The following ZNF726 variants were observed in gnomAD, a reference collection of about 807,000 sequenced individuals.
ZNF726 encodes zinc finger protein 92 pseudogene 3.
In ZNF726, 15 loss-of-function variants were observed where a neutral mutation model predicts 11.6. The ratio of observed to expected loss-of-function variants is 1.29; its 90% confidence interval spans 0.86 to 1.99. The LOEUF (loss-of-function observed/expected upper bound fraction) is 1.99. Among genes scored for constraint, ZNF726 ranks in the 30% most tolerant of loss-of-function variants. The pLI is 0.00. For missense variants in ZNF726, 890 were observed against 725.6 expected, an observed-to-expected ratio of 1.23 and a Z score of -2.60; for synonymous variants, 295 against 243.6, an observed-to-expected ratio of 1.21 and a Z score of -1.96.
chr19:23,921,549 CCTCT>C (rs1374767014), intron 3 of ZNF726: 1 of 151,920 alleles, frequency 6.6e-6, no homozygotes, highest in Non-Finnish European at 1.5e-5. Flanking sequence ...TTATTTGTGT[CCTCT>C]CTAATTTTTT....
Position 23,919,447 on chromosome 19 carries a change from G to T in ZNF726, c.78G>T (p.Lys26Asn), listed in dbSNP as rs768460087. ...GGCAGTGCCTGGACACTGCACAGAA[G>T]AATTTATATAGGAATGTGATGTTAG... ...EEWQCLDTAQ[K>N]NLYRNVMLEN... is the part of the protein sequence containing the mutation. Residue 26 changes from lysine to asparagine, a missense_variant, in exon 2 of 4, where the codon AAG becomes AAT. Transcript: ENST00000594466. 108 of 1,607,674 alleles carry T rather than the reference G, an allele frequency of 6.7e-5. No homozygotes were observed. The highest frequency in any genetic ancestry group is 8.7e-5 in the Non-Finnish European group (102 of 1,176,460).
In ZNF726 at chr19:23,932,393, G is replaced by A. The variant is rs1198045649; in HGVS notation, c.277G>A (p.Asp93Asn). The A allele has an allele frequency of 6.6e-7, 1 of 1,521,098 alleles. No homozygotes were observed. The allele number at this position is 1,521,098 out of a possible 1,614,324, so 94.2% of individuals were successfully genotyped here. A position where few individuals can be genotyped will look rare whatever the true frequency, so the allele number is the denominator to read the frequency against. Residue 93 changes from aspartate to asparagine, a missense_variant, in exon 4 of 4, where the codon GAT becomes AAT. Asp to Asn is a conservative substitution (Grantham distance 23). Transcript: ENST00000594466. ...CATTTGGCCAGAGCAGGGCGTGGAA[G>A]ATTCTTTTCAAAAAGTAATACTAAG... is the stretch of plus-strand genomic sequence containing the variant. ...QDIWPEQGVE[D>N]SFQKVILRRF...
chr19:23,943,136 T>A (rs571837004), intron 3 of ZNF726, among the ~76,000 whole-genome samples: 96 of 152,262 alleles, frequency 6.3e-4, no homozygotes, highest in African/African-American at 2.2e-3. Context: ...TTCTCCTGCC[T>A]CAGCCTTCTG....
rs1967805146 is a variant in ZNF726 at position 23,920,080 on chromosome 19, C to A, written c.224C>A (p.Pro75Gln). 2 of 1,576,900 alleles carry A rather than the reference C, an allele frequency of 1.3e-6. No homozygotes were observed. The highest frequency in any genetic ancestry group is 1.7e-6 in the Non-Finnish European group (2 of 1,157,322). ...MKRDEMVDEP[P>Q]GICPHFAQDI... ...CGAGATGAGATGGTGGATGAACCCC[C>A]AGGTAGGTGAGAGTGAATACAACAG... The change falls in exon 3 of 4, where the codon CCA (proline) becomes CAA (glutamine). Residue 75 changes from proline (P) to glutamine (Q), a missense_variant and splice_region_variant. Pro to Gln is a moderately conservative substitution (Grantham distance 76). Coordinates refer to ENST00000594466, the MANE Select transcript of ZNF726 (RefSeq NM_001244038.2).
chr19:23,921,129 A>G (rs967482786), intron 3 of ZNF726: 3 of 151,992 alleles, frequency 2.0e-5, no homozygotes, highest in Non-Finnish European at 1.5e-5. Flanking sequence ...AACCCCATCT[A>G]TACTAAAAAT....
At chr19:23,929,740 A>G (rs1422974384) in intron 3 of ZNF726, among the ~76,000 whole-genome samples, 36 of 152,178 alleles carry the variant, frequency 2.4e-4, no homozygotes, top group Non-Finnish European at 1.3e-4. Context: ...TATATTTTTC[A>G]GTTTATTAAT....
At chr19:23,925,276 ATAAT>A (rs1967957220) in intron 3 of ZNF726, among the ~76,000 whole-genome samples, 1 of 152,210 alleles carries the variant, frequency 6.6e-6, no homozygotes, top group Non-Finnish European at 1.5e-5. Flanking sequence ...ACTTTATTTA[ATAAT>A]TTATATTATT....
chr19:23,925,098 C>A (rs919875491), intron 3 of ZNF726, among the ~76,000 whole-genome samples: 2 of 152,154 alleles, frequency 1.3e-5, no homozygotes, highest in East Asian at 3.9e-4. Flanking sequence ...TAAGTGAAAT[C>A]GTAACATCCA....
downstream of ZNF726, among the ~76,000 whole-genome samples, chr19:23,934,769 G>T (rs1429160129): frequency 6.6e-6 from 1 of 152,170 alleles, no homozygotes; most frequent in Non-Finnish European, 1.5e-5. Flanking sequence ...GTGGGGAAAA[G>T]GCTCCCTCTC....
intron 1 of ZNF726, 42 bp from the exon 2 acceptor site, chr19:23,919,331 A>G (rs1446526784): frequency 3.8e-6 from 6 of 1,590,036 alleles, no homozygotes; most frequent in African/African-American, 2.7e-5. Flanking sequence ...AATTCTGCCC[A>G]TAGCCACTTT....
chr19:23,914,939 T>G lies in ZNF726; in HGVS notation c.-56T>G. The G allele has an allele frequency of 1.2e-6, 2 of 1,612,496 alleles. No individual in the cohort carries two copies. The highest frequency in any genetic ancestry group is 2.2e-5 in the South Asian group (2 of 91,060). On this transcript the variant is annotated 5_prime_UTR_variant, in exon 1 of 4. Coordinates refer to ENST00000594466, the MANE Select transcript of ZNF726 (RefSeq NM_001244038.2). ...CTCGTCCTCACTACTCTGTGTCTTC[T>G]GCTTTTAGGGGCGCAGCCTCTGTGG...
rs770183581 is a variant in ZNF726 at position 23,933,835 on chromosome 19, G to A, written c.1719G>A (p.Ala573=). ...KPYKCEECGK[A]FNRSSNLSTH... ...ACAAGTGTGAAGAATGTGGAAAAGC[G>A]TTTAATCGATCCTCAAATCTTAGTA... is the stretch of plus-strand genomic sequence containing the variant. The change falls in exon 4 of 4, where the codon GCG becomes GCA. Residue 573 remains alanine, a synonymous_variant. Transcript: ENST00000594466. The A allele has an allele frequency of 6.7e-5, 107 of 1,594,272 alleles. No homozygotes were observed. The Middle Eastern group carries it at 8.3e-4, about 12-fold the overall frequency.
intron 3 of ZNF726, among the ~76,000 whole-genome samples, chr19:23,926,452 G>T (rs1967989574): frequency 6.6e-6 from 1 of 151,812 alleles, no homozygotes; most frequent in Admixed American, 6.6e-5. Context: ...AACTCAGGAG[G>T]TTGAGGTGGG....
chr19:23,932,737 A>G lies in ZNF726; in HGVS notation c.621A>G (p.Gly207=). Residue 207 remains glycine (G), a synonymous_variant, in exon 4 of 4, where the codon GGA becomes GGG. Transcript: ENST00000594466. ...TEKSYKCKEC[G]KTFNWSSTLT... is the part of the protein sequence containing the mutation. ...AGTCCTACAAATGTAAAGAATGTGG[A>G]AAAACCTTTAATTGGTCCTCAACCC... 2 of 1,611,310 alleles carry G rather than the reference A, an allele frequency of 1.2e-6. No homozygotes were observed. Among genetic ancestry groups the G allele is most frequent in the Non-Finnish European group, 8.5e-7 (1 of 1,179,120 alleles).
At chr19:23,935,979 T>C (rs1968223982), downstream of ZNF726, 1 of 152,238 alleles carries the variant, frequency 6.6e-6, no homozygotes, top group African/African-American at 2.4e-5. Context: ...CATTTACTTG[T>C]CTCACAGATC....
At position 23,934,465 on chromosome 19, in the gene ZNF726, A is replaced by G. The variant is rs1214687814; in HGVS notation, c.*498A>G. On this transcript the variant is annotated 3_prime_UTR_variant, in exon 4 of 4. Coordinates refer to ENST00000594466, the MANE Select transcript of ZNF726 (RefSeq NM_001244038.2). ...ATAAGATAATTCAAACTGGAAAGAA[A>G]CCCTGCAAGTCTGAAGAATGTGGGA... 7.6e-6 allele frequency: 3 copies of G among 396,502 alleles called. No individual in the cohort carries two copies. The highest frequency in any genetic ancestry group is 2.1e-5 in the African/African-American group (1 of 47,284). 24.6% of individuals were successfully genotyped at this position (396,502 alleles called of 1,614,324 possible).
At chr19:23,940,010 C>CA (rs1438655539) in intron 3 of ZNF726, among the ~76,000 whole-genome samples, 3 of 151,968 alleles carry the variant, frequency 2.0e-5, no homozygotes, top group Non-Finnish European at 4.4e-5. Context: ...ATTTGCCATG[C>CA]AAAACCTCTT....
intron 1 of ZNF726, among the ~76,000 whole-genome samples, chr19:23,917,705 C>T (rs1490853572): frequency 1.3e-5 from 2 of 152,002 alleles, no homozygotes; most frequent in Non-Finnish European, 2.9e-5. Context: ...TAAAATAATA[C>T]ATTTACTGTC....
At chr19:23,926,263 G>A (rs1967984519) in intron 3 of ZNF726, among the ~76,000 whole-genome samples, 1 of 152,018 alleles carries the variant, frequency 6.6e-6, no homozygotes. Context: ...AAGAGATTAA[G>A]AAGTTATCCG....
Sources: gnomAD v4.1 joint callset for allele counts (sites outside exome capture counted in the v4.1 genomes callset) on GRCh38, gnomAD v4.1.1 for gene constraint, MANE v1.5 for transcripts, NCBI Gene and HGNC (gene_info 2026-07-23, HGNC 2026-07-21) for gene names.